DKK2: variants seen among roughly 807,000 people sequenced by gnomAD.
The protein encoded by DKK2 is dickkopf Wnt signaling pathway inhibitor 2.
A neutral mutation model predicts 28.1 loss-of-function variants in DKK2; 11 were observed. The observed-to-expected ratio is 0.39, with a 90% CI of 0.25 to 0.65. DKK2 has a LOEUF of 0.65. Among genes scored for constraint, DKK2 ranks in the 30% least tolerant of loss-of-function variants. The probability of loss-of-function intolerance (pLI) is 0.47; values close to 1 mark genes in which losing one functional copy is unlikely to be tolerated. For missense variants in DKK2, 326 were observed against 335.5 expected, an observed-to-expected ratio of 0.97 and a Z score of 0.22; for synonymous variants, 135 against 126.5, an observed-to-expected ratio of 1.07 and a Z score of -0.45.
intron 1 of DKK2, among the ~76,000 whole-genome samples, chr4:106,983,773 AT>A (rs1175782562): frequency 1.3e-5 from 2 of 152,204 alleles, no homozygotes; most frequent in Non-Finnish European, 1.5e-5. Flanking sequence ...AAAAAGGCAA[AT>A]AATCCTATTA....
At chr4:106,941,986 G>A (rs1724705925) in intron 1 of DKK2, among the ~76,000 whole-genome samples, 1 of 152,018 alleles carries the variant, frequency 6.6e-6, no homozygotes, top group Admixed American at 6.6e-5. Context: ...TTTTTATTAT[G>A]TGGAAGAAGG....
At chr4:107,029,860 G>A (rs1382864900) in intron 1 of DKK2, among the ~76,000 whole-genome samples, 1 of 151,974 alleles carries the variant, frequency 6.6e-6, no homozygotes, top group African/African-American at 2.4e-5. Flanking sequence ...GTATTTAAAA[G>A]GATATCTGAT....
At chr4:106,985,208 CAAAAAAA>C (rs569150141) in intron 1 of DKK2, among the ~76,000 whole-genome samples, 2 of 49,382 alleles carry the variant, frequency 4.1e-5, no homozygotes, top group African/African-American at 1.4e-4. Flanking sequence ...TACTCCATCT[CAAAAAAA>C]AAAAAAAAAA....
chr4:106,942,493 C>CT (rs1411248011), intron 1 of DKK2, among the ~76,000 whole-genome samples: 1 of 152,058 alleles, frequency 6.6e-6, no homozygotes, highest in Admixed American at 6.6e-5. Flanking sequence ...ATACTAGACT[C>CT]TTTTTAAGAG....
intron 1 of DKK2, among the ~76,000 whole-genome samples, chr4:107,020,878 C>T (rs1723681860): frequency 6.6e-6 from 1 of 151,982 alleles, no homozygotes; most frequent in African/African-American, 2.4e-5. Context: ...TTCCTGCCTC[C>T]TCTTTCAGAA....
At chr4:107,034,591 G>C (rs1380662878) in intron 1 of DKK2, among the ~76,000 whole-genome samples, 1 of 152,172 alleles carries the variant, frequency 6.6e-6, no homozygotes, top group Non-Finnish European at 1.5e-5. Context: ...AACGCCTTCA[G>C]TGTCCTGCTG....
At chr4:106,937,881 T>G (rs192543741) in intron 1 of DKK2, among the ~76,000 whole-genome samples, 1 of 150,308 alleles carries the variant, frequency 6.7e-6, no homozygotes, top group Admixed American at 6.6e-5. Context: ...GGGTACATAA[T>G]GAAATGAAGG....
Position 106,925,878 on chromosome 4 carries a change from C to T in DKK2, c.294G>A (p.Ser98=), listed in dbSNP as rs780702553. The T allele has an allele frequency of 1.5e-5, 24 of 1,613,694 alleles. No individual in the cohort carries two copies. The highest frequency in any genetic ancestry group is 2.7e-5 in the African/African-American group (2 of 74,916). The change falls in exon 2 of 4, where the codon TCG becomes TCA. Residue 98 remains serine (S), a synonymous_variant. Transcript: ENST00000285311. ...RYCHSPHQGS[S]ACMVCRRKKK... ...TTTTTCTCCGACACACCATGCAGGC[C>T]GATGATCCTTGGTGGGGACTGTGGC... is the stretch of plus-strand genomic sequence containing the variant.
Position 106,960,046 on chromosome 4 carries a change from G to A in DKK2, c.223-34097C>T, listed in dbSNP as rs149212526. Among the ~76,000 whole-genome samples, 38 of 150,792 alleles carry A rather than the reference G, an allele frequency of 2.5e-4. No homozygotes were observed. In the East Asian group the frequency reaches 4.1e-3, roughly 16 times the overall value. ...TTTTTATTATATTTTTTATTGAAGCGTGATTCACAATTGCAAAGATAAGGA... is the reference window on the plus strand; with the variant it reads ...TTTTTATTATATTTTTTATTGAAGCATGATTCACAATTGCAAAGATAAGGA... On this transcript the variant is annotated intron_variant, in intron 1 of 3. Coordinates refer to ENST00000285311, the MANE Select transcript of DKK2 (RefSeq NM_014421.3).
intron 1 of DKK2, among the ~76,000 whole-genome samples, chr4:107,020,358 C>G (rs1028031746): frequency 5.3e-5 from 8 of 151,992 alleles, no homozygotes; most frequent in African/African-American, 1.4e-4. Context: ...TGTTAAAAAG[C>G]CATTTCCTCC....
At chr4:106,991,274 C>G (rs1723199716) in intron 1 of DKK2, among the ~76,000 whole-genome samples, 1 of 152,162 alleles carries the variant, frequency 6.6e-6, no homozygotes, top group Admixed American at 6.5e-5. Flanking sequence ...CAATCTACTA[C>G]AGCTGCCTTT....
At chr4:106,960,421 G>A (rs958865380) in intron 1 of DKK2, among the ~76,000 whole-genome samples, 1 of 151,998 alleles carries the variant, frequency 6.6e-6, no homozygotes, top group East Asian at 1.9e-4. Context: ...AGACTCAGAA[G>A]AGGGGAGCTG....
chr4:106,974,859 T>C (rs1017327404), intron 1 of DKK2, among the ~76,000 whole-genome samples: 1 of 152,204 alleles, frequency 6.6e-6, no homozygotes, highest in African/African-American at 2.4e-5. Flanking sequence ...GCCCATTCAA[T>C]ATGTTATTGG....
chr4:106,964,960 T>TAGATTAG (rs1553922185), intron 1 of DKK2, among the ~76,000 whole-genome samples: 1 of 146,440 alleles, frequency 6.8e-6, no homozygotes, highest in African/African-American at 2.5e-5. Context: ...GATAGATAGA[T>TAGATTAG]ATAGATAGAT....
intron 1 of DKK2, among the ~76,000 whole-genome samples, chr4:107,001,372 C>G (rs1027607642): frequency 6.6e-6 from 1 of 152,156 alleles, no homozygotes; most frequent in African/African-American, 2.4e-5. Context: ...ATTTGTGTTA[C>G]TTGGTTACAG....
At chr4:107,014,832 A>AACAC (rs55726585) in intron 1 of DKK2, among the ~76,000 whole-genome samples, 1 of 147,158 alleles carries the variant, frequency 6.8e-6, no homozygotes, top group Non-Finnish European at 1.5e-5. Flanking sequence ...CACACACACA[A>AACAC]ACACACACAC....
chr4:106,944,027 T>C (rs2110344613), intron 1 of DKK2, among the ~76,000 whole-genome samples: 1 of 152,184 alleles, frequency 6.6e-6, no homozygotes, highest in African/African-American at 2.4e-5. Context: ...TATTCCTAGT[T>C]AAGCACCATC....
chr4:107,004,194 C>T (rs2110366334), intron 1 of DKK2, among the ~76,000 whole-genome samples: 1 of 152,258 alleles, frequency 6.6e-6, no homozygotes, highest in East Asian at 1.9e-4. Context: ...ATTACTCAGT[C>T]TCATTTTCAA....
intron 1 of DKK2, among the ~76,000 whole-genome samples, chr4:107,032,714 G>T (rs935114867): frequency 6.6e-6 from 1 of 152,082 alleles, no homozygotes; most frequent in Non-Finnish European, 1.5e-5. Context: ...CATCTGTCAA[G>T]TATAAAGGGA....
Sources: allele counts gnomAD v4.1 joint callset (sites outside exome capture counted in the v4.1 genomes callset), GRCh38; gene constraint gnomAD v4.1.1; transcripts MANE v1.5; gene names NCBI Gene and HGNC (gene_info 2026-07-23, HGNC 2026-07-21).